Variants in PABPC4L observed in about 807,000 individuals in gnomAD.
The protein encoded by PABPC4L is polyadenylate-binding protein 4-like.
For synonymous variants in PABPC4L, 169 were observed against 164.1 expected, an observed-to-expected ratio of 1.03 and a Z score of -0.23; for missense variants, 452 against 451.4, an observed-to-expected ratio of 1.00 and a Z score of -0.01.
At chr4:134,136,680 C>A in the PABPC4L span, among the ~76,000 whole-genome samples, 11 of 152,044 alleles carry the variant, frequency 7.2e-5, no homozygotes, top group Middle Eastern at 3.4e-3. Flanking sequence ...TTACAATATT[C>A]CTTTATTTGT....
chr4:134,083,626 T>C, the PABPC4L span, among the ~76,000 whole-genome samples: 2 of 152,188 alleles, frequency 1.3e-5, no homozygotes, highest in African/African-American at 4.8e-5. Flanking sequence ...TATGGAAGAT[T>C]AAAGTGGCCA....
the PABPC4L span, among the ~76,000 whole-genome samples, chr4:134,056,566 T>A: frequency 6.6e-6 from 1 of 151,952 alleles, no homozygotes; most frequent in Admixed American, 6.6e-5. Context: ...GTTAGAATTA[T>A]ACCTAAATAT....
At chr4:134,171,908 A>G in the PABPC4L span, among the ~76,000 whole-genome samples, 1 of 152,102 alleles carries the variant, frequency 6.6e-6, no homozygotes, top group Admixed American at 6.6e-5. Flanking sequence ...AGACAATCCC[A>G]TTCACAATAT....
the PABPC4L span, among the ~76,000 whole-genome samples, chr4:134,084,866 G>T: frequency 6.6e-6 from 1 of 152,062 alleles, no homozygotes; most frequent in Non-Finnish European, 1.5e-5. Flanking sequence ...ACAAGACAGG[G>T]AAAGATTAGG....
the PABPC4L span, among the ~76,000 whole-genome samples, chr4:134,027,889 C>T: frequency 6.6e-6 from 1 of 152,018 alleles, no homozygotes; most frequent in Non-Finnish European, 1.5e-5. Flanking sequence ...GTCTGAGACA[C>T]CTAAAGTGAG....
the PABPC4L span, among the ~76,000 whole-genome samples, chr4:134,088,978 G>T: frequency 6.6e-6 from 1 of 152,040 alleles, no homozygotes; most frequent in Non-Finnish European, 1.5e-5. Flanking sequence ...TTGGAGAGAG[G>T]TGTAATAATG....
At chr4:134,077,497 G>C in the PABPC4L span, among the ~76,000 whole-genome samples, 2 of 152,152 alleles carry the variant, frequency 1.3e-5, no homozygotes, top group Admixed American at 1.3e-4. Context: ...TAGAATGACT[G>C]ACCTTGTTAT....
chr4:134,060,352 C>T, the PABPC4L span, among the ~76,000 whole-genome samples: 1 of 151,828 alleles, frequency 6.6e-6, no homozygotes, highest in Non-Finnish European at 1.5e-5. Context: ...CCTAATGAGA[C>T]ACCAGCCAGG....
chr4:134,019,223 C>T, the PABPC4L span, among the ~76,000 whole-genome samples: 1 of 152,116 alleles, frequency 6.6e-6, no homozygotes, highest in Non-Finnish European at 1.5e-5. Flanking sequence ...TGGGCATTAG[C>T]ATTCATTGGA....
At chr4:134,024,732 A>C in the PABPC4L span, among the ~76,000 whole-genome samples, 1 of 73,298 alleles carries the variant, frequency 1.4e-5, no homozygotes, top group African/African-American at 6.5e-5. Context: ...GATTCAATAT[A>C]TTTTTTAAAA....
the PABPC4L span, among the ~76,000 whole-genome samples, chr4:134,055,920 T>A: frequency 6.6e-6 from 1 of 152,160 alleles, no homozygotes; most frequent in African/African-American, 2.4e-5. Flanking sequence ...GACTTTTGTA[T>A]GTTGTTTTAA....
At chr4:134,196,302 T>A (rs528980110), downstream of PABPC4L, 131 of 151,828 alleles carry the variant, frequency 8.6e-4, no homozygotes, top group African/African-American at 3.1e-3. Flanking sequence ...AGAAATACTT[T>A]ATAATAAATA....
At chr4:134,086,679 C>T in the PABPC4L span, among the ~76,000 whole-genome samples, 1 of 151,656 alleles carries the variant, frequency 6.6e-6, no homozygotes, top group Admixed American at 6.6e-5. Context: ...TATGTGGCAC[C>T]TCCAGGAATC....
chr4:133,962,284 T>G, the PABPC4L span, among the ~76,000 whole-genome samples: 3 of 151,938 alleles, frequency 2.0e-5, no homozygotes, highest in African/African-American at 7.3e-5. Flanking sequence ...CAAGAAGAAA[T>G]CCCTGGTTTA....
the PABPC4L span, among the ~76,000 whole-genome samples, chr4:134,184,621 C>A: frequency 6.6e-6 from 1 of 151,966 alleles, no homozygotes; most frequent in Non-Finnish European, 1.5e-5. Flanking sequence ...CATGTATCAC[C>A]ACAGTACCAC....
At chr4:134,014,792 G>C in the PABPC4L span, among the ~76,000 whole-genome samples, 101,103 of 151,724 alleles carry the variant, frequency 0.67, 34,829 homozygotes, top group East Asian at 0.99. Flanking sequence ...TCAAGGGCCT[G>C]TTTCCCTTGC....
the PABPC4L span, among the ~76,000 whole-genome samples, chr4:134,048,780 G>A: frequency 6.6e-6 from 1 of 151,984 alleles, no homozygotes; most frequent in Non-Finnish European, 1.5e-5. Flanking sequence ...CTTTAATTAT[G>A]TGATGTTCCA....
chr4:134,186,298 G>A, the PABPC4L span, among the ~76,000 whole-genome samples: 1 of 152,008 alleles, frequency 6.6e-6, no homozygotes, highest in South Asian at 2.1e-4. Context: ...TATACTACAA[G>A]GCTACAGTAA....
chr4:134,069,079 G>A, the PABPC4L span, among the ~76,000 whole-genome samples: 3 of 151,940 alleles, frequency 2.0e-5, no homozygotes, highest in Admixed American at 6.6e-5. Flanking sequence ...TCTCTCCTTC[G>A]CTTATGAAGC....
Sources: allele counts gnomAD v4.1 joint callset (sites outside exome capture counted in the v4.1 genomes callset), GRCh38; gene constraint gnomAD v4.1.1; transcripts MANE v1.5; gene names NCBI Gene and HGNC (gene_info 2026-07-23, HGNC 2026-07-21).